The following ADRA1B variants were observed in gnomAD, a reference collection of about 807,000 sequenced individuals.
ADRA1B encodes the protein alpha-1B adrenergic receptor.
Under a neutral mutation model 17.9 loss-of-function variants are expected in ADRA1B, and 17 were observed. That is an observed-to-expected ratio of 0.95 (90% confidence interval 0.65 to 1.42). ADRA1B has a LOEUF of 1.42. Ranked by LOEUF, ADRA1B falls within the 40% of genes most tolerant of loss-of-function variation. ADRA1B has a pLI of 0.00. For missense variants in ADRA1B, 681 were observed against 722.1 expected (o/e 0.94, Z 0.65); for synonymous variants, 366 against 327.6 (o/e 1.12, Z -1.27).
intron 1 of ADRA1B, chr5:159,951,044 G>A (rs1755424844): frequency 1.4e-6 from 1 of 701,770 alleles, no homozygotes; most frequent in African/African-American, 1.7e-5. Flanking sequence ...GCAGTTGGTG[G>A]TGCAGGAGGC....
intron 1 of ADRA1B, among the ~76,000 whole-genome samples, chr5:159,875,978 C>T (rs1753797831): frequency 6.6e-6 from 1 of 152,194 alleles, no homozygotes; most frequent in Non-Finnish European, 1.5e-5. Flanking sequence ...CACTTGAGGT[C>T]AGGAGTTCGT....
chr5:159,916,818 G>A lies in ADRA1B; in HGVS notation c.-88G>A. ...CGCCTCTGGGAAGAAGACCACGGGGGAAGCAAAGTTTCAGGGCAGCTGAGG... is the reference window on the plus strand; with the variant it reads ...CGCCTCTGGGAAGAAGACCACGGGGAAAGCAAAGTTTCAGGGCAGCTGAGG... On this transcript the variant is annotated 5_prime_UTR_variant, in exon 1 of 2. Coordinates refer to ENST00000306675, the MANE Select transcript of ADRA1B (RefSeq NM_000679.4). 7.4e-7 allele frequency: 1 copy of A among 1,349,646 alleles called. No individual in the cohort carries two copies. Among genetic ancestry groups the A allele is most frequent in the Non-Finnish European group, 1.0e-6 (1 of 991,946 alleles). 83.6% of individuals were successfully genotyped at this position (1,349,646 alleles called of 1,614,324 possible). A position where few individuals can be genotyped will look rare whatever the true frequency, so the allele number is the denominator to read the frequency against.
chr5:159,934,903 T>C (rs1417188001), intron 1 of ADRA1B, among the ~76,000 whole-genome samples: 1 of 151,716 alleles, frequency 6.6e-6, no homozygotes, highest in African/African-American at 2.4e-5. Context: ...TTAACTCATC[T>C]GTAAAACGAC....
rs376054559 is a variant in ADRA1B, at chr5:159,874,677, A to G, written c.-256+9471A>G. Among the ~76,000 whole-genome samples, 6 of 152,326 alleles carry G rather than the reference A, an allele frequency of 3.9e-5. No homozygotes were observed. In the East Asian group the frequency reaches 1.2e-3, roughly 29 times the overall value. On this transcript the variant is annotated intron_variant, in intron 1 of 2. Coordinates refer to the ADRA1B transcript ENST00000641205. The stretch of plus-strand genomic sequence containing the variant: ...CCTGGAGGCAAACATGAAGATTTCC[A>G]ATTTAACAGCCTGAAGAATTAAATT...
Position 159,972,111 on chromosome 5 carries a change from C to G in ADRA1B, c.1182C>G (p.Gly394=). The change falls in exon 2 of 2, where the codon GGC becomes GGG. Residue 394 remains glycine, a synonymous_variant. Transcript: ENST00000306675. Reference sequence around the variant, plus strand: ...ACACCTACCGGCCGTGGACGCGCGGCGGCTCGCTGGAGCGCTCGCAGTCGC... The same window carrying G: ...ACACCTACCGGCCGTGGACGCGCGGGGGCTCGCTGGAGCGCTCGCAGTCGC... ...CAYTYRPWTR[G]GSLERSQSRK... 7.7e-7 allele frequency: 1 copy of G among 1,300,142 alleles called. No individual in the cohort carries two copies. The highest frequency in any genetic ancestry group is 9.8e-7 in the Non-Finnish European group (1 of 1,017,528). The allele number at this position is 1,300,142 out of a possible 1,614,324, so 80.5% of individuals were successfully genotyped here. A position where few individuals can be genotyped will look rare whatever the true frequency, so the allele number is the denominator to read the frequency against.
chr5:159,915,766 T>G (rs1304931263), upstream of ADRA1B, among the ~76,000 whole-genome samples: 2 of 152,202 alleles, frequency 1.3e-5, no homozygotes. Context: ...TACTTTATTT[T>G]CAGCCTAACA....
intron 1 of ADRA1B, among the ~76,000 whole-genome samples, chr5:159,881,428 GGCAT>G (rs1753862900): frequency 6.7e-6 from 1 of 149,340 alleles, no homozygotes; most frequent in African/African-American, 2.5e-5. Context: ...TTCTCTTCTT[GGCAT>G]GCCAATTTTC....
intron 1 of ADRA1B, among the ~76,000 whole-genome samples, chr5:159,930,083 CATA>C (rs2113197159): frequency 6.6e-6 from 1 of 152,338 alleles, no homozygotes; most frequent in African/African-American, 2.4e-5. Context: ...TTCATGGCTG[CATA>C]ATAATCCATT....
At chr5:159,915,428 CAT>C (rs776888592), upstream of ADRA1B, among the ~76,000 whole-genome samples, 30 of 152,338 alleles carry the variant, frequency 2.0e-4, no homozygotes, top group East Asian at 4.0e-3. Context: ...TGTGAACTAA[CAT>C]AAAGTTCTTT....
upstream of ADRA1B, among the ~76,000 whole-genome samples, chr5:159,915,680 A>G (rs1452442632): frequency 6.6e-6 from 1 of 151,974 alleles, no homozygotes; most frequent in African/African-American, 2.4e-5. Flanking sequence ...CTCAAATATC[A>G]CTTCAGTGAC....
the ADRA1B span, among the ~76,000 whole-genome samples, chr5:159,985,869 T>A: frequency 3.3e-5 from 5 of 152,034 alleles, no homozygotes; most frequent in African/African-American, 1.2e-4. Flanking sequence ...GGGAAGAGAG[T>A]TCCGTCTAGC....
chr5:159,895,683 A>G (rs1455428408), intron 1 of ADRA1B, among the ~76,000 whole-genome samples: 4 of 152,210 alleles, frequency 2.6e-5, no homozygotes, highest in African/African-American at 9.7e-5. Context: ...AAAAAAAAAG[A>G]TCATTCCCAT....
At chr5:159,958,371 A>C (rs1755604799) in intron 1 of ADRA1B, among the ~76,000 whole-genome samples, 1 of 152,094 alleles carries the variant, frequency 6.6e-6, no homozygotes, top group Non-Finnish European at 1.5e-5. Context: ...ATTCTCATGG[A>C]TATTTGGTTC....
intron 1 of ADRA1B, among the ~76,000 whole-genome samples, chr5:159,967,967 G>A (rs1006714073): frequency 2.6e-5 from 4 of 152,060 alleles, no homozygotes; most frequent in Admixed American, 1.3e-4. Context: ...GCAGACATAG[G>A]GGGAAAGTAA....
intron 1 of ADRA1B, among the ~76,000 whole-genome samples, chr5:159,941,530 C>G (rs1271425295): frequency 6.6e-6 from 1 of 152,194 alleles, no homozygotes; most frequent in South Asian, 2.1e-4. Flanking sequence ...TCCTAGTATA[C>G]ACAGGAGAGA....
At chr5:159,922,375 C>T (rs1754508930) in intron 1 of ADRA1B, among the ~76,000 whole-genome samples, 1 of 152,178 alleles carries the variant, frequency 6.6e-6, no homozygotes, top group South Asian at 2.1e-4. Flanking sequence ...AATCCAAGTC[C>T]GTCAGAACAG....
chr5:159,944,796 C>G (rs767114783), intron 1 of ADRA1B, among the ~76,000 whole-genome samples: 3 of 152,130 alleles, frequency 2.0e-5, no homozygotes, highest in Non-Finnish European at 2.9e-5. Context: ...TTGTAAAGAT[C>G]ACACAGCCAG....
At chr5:159,952,563 G>A (rs138686958) in intron 1 of ADRA1B, among the ~76,000 whole-genome samples, 1 of 152,290 alleles carries the variant, frequency 6.6e-6, no homozygotes, top group African/African-American at 2.4e-5. Flanking sequence ...GGGTTGTACT[G>A]AGATAGCTCC....
chr5:159,892,118 T>C (rs1384947229), intron 1 of ADRA1B, among the ~76,000 whole-genome samples: 1 of 151,996 alleles, frequency 6.6e-6, no homozygotes, highest in East Asian at 1.9e-4. Context: ...ACACCTGAAA[T>C]CCTAGCTACT....
Sources: allele counts gnomAD v4.1 joint callset (sites outside exome capture counted in the v4.1 genomes callset), GRCh38; gene constraint gnomAD v4.1.1; transcripts MANE v1.5; gene names NCBI Gene and HGNC (gene_info 2026-07-23, HGNC 2026-07-21).